AGMO: variants seen among roughly 807,000 people sequenced by gnomAD.
AGMO encodes the protein glyceryl-ether monooxygenase.
AGMO carries 75 observed loss-of-function variants against 60.2 expected under a neutral mutation model. The ratio of observed to expected loss-of-function variants is 1.25; its 90% CI spans 1.03 to 1.51. The LOEUF (loss-of-function observed/expected upper bound fraction) is 1.51. Ranked by LOEUF, AGMO falls within the 40% of genes most tolerant of loss-of-function variation. AGMO has a pLI of 0.00. For missense variants in AGMO, 763 were observed against 525.5 expected (o/e 1.45, Z -4.42); for synonymous variants, 261 against 177.1 (o/e 1.47, Z -3.76).
intron 12 of AGMO, among the ~76,000 whole-genome samples, chr7:15,287,373 C>A (rs1173529318): frequency 6.6e-6 from 1 of 152,080 alleles, no homozygotes; most frequent in Admixed American, 6.5e-5. Flanking sequence ...ATTTTCTTTG[C>A]CACCGATATG....
intron 3 of AGMO, among the ~76,000 whole-genome samples, chr7:15,441,989 G>C (rs1218099281): frequency 6.6e-6 from 1 of 151,968 alleles, no homozygotes; most frequent in African/African-American, 2.4e-5. Context: ...CATTTGTCTT[G>C]GTGTCCTGAA....
At chr7:15,353,954 T>C (rs1343390372) in intron 12 of AGMO, among the ~76,000 whole-genome samples, 3 of 152,144 alleles carry the variant, frequency 2.0e-5, no homozygotes, top group African/African-American at 7.2e-5. Flanking sequence ...TAAAAACCCA[T>C]ACAAAGCCAA....
intron 12 of AGMO, among the ~76,000 whole-genome samples, chr7:15,328,281 G>A (rs780086593): frequency 6.6e-5 from 10 of 151,972 alleles, no homozygotes; most frequent in Non-Finnish European, 1.0e-4. Flanking sequence ...ATTTTTAGTA[G>A]AGATGGGTTT....
At chr7:15,232,801 G>GCGCACACACACACACA (rs1554398737) in intron 12 of AGMO, among the ~76,000 whole-genome samples, 4 of 147,024 alleles carry the variant, frequency 2.7e-5, no homozygotes, top group East Asian at 4.1e-4. Context: ...ACACACACAC[G>GCGCACACACACACACA]CACACACACA....
intron 12 of AGMO, among the ~76,000 whole-genome samples, chr7:15,227,941 G>C (rs1042463972): frequency 6.6e-6 from 1 of 152,040 alleles, no homozygotes; most frequent in Non-Finnish European, 1.5e-5. Flanking sequence ...TTGGCTTCTC[G>C]TGTGTTGGGC....
chr7:15,552,416 A>G (rs1224071387), intron 2 of AGMO, among the ~76,000 whole-genome samples: 3 of 152,084 alleles, frequency 2.0e-5, no homozygotes, highest in Non-Finnish European at 1.5e-5. Context: ...TTCGCAACCT[A>G]CTCATCTGAC....
intron 12 of AGMO, among the ~76,000 whole-genome samples, chr7:15,231,271 TC>T: frequency 6.6e-6 from 1 of 152,310 alleles, no homozygotes; most frequent in South Asian, 2.1e-4. Flanking sequence ...TTGCTCCACT[TC>T]CAATGTCTTT....
chr7:15,473,787 T>A lies in AGMO; in HGVS notation c.410-42679A>T, dbSNP rs189757911. Among the ~76,000 whole-genome samples the A allele has an allele frequency of 2.3e-4, 35 of 152,246 alleles. No individual in the cohort carries two copies. The East Asian group carries it at 5.2e-3, about 23-fold the overall frequency. On this transcript the variant is annotated intron_variant, in intron 3 of 12. Transcript: ENST00000342526. ...TCAAATTGTCTGTTTGCAGATGACATGATTGTAAATTTAGAAAACCCTATC... is the reference window on the plus strand; with the variant it reads ...TCAAATTGTCTGTTTGCAGATGACAAGATTGTAAATTTAGAAAACCCTATC...
intron 3 of AGMO, among the ~76,000 whole-genome samples, chr7:15,512,682 G>A (rs1451766508): frequency 6.6e-6 from 1 of 151,938 alleles, no homozygotes; most frequent in Non-Finnish European, 1.5e-5. Context: ...TTTACTATAT[G>A]GATTGGTATT....
intron 12 of AGMO, among the ~76,000 whole-genome samples, chr7:15,305,128 T>TA (rs969507828): frequency 2.6e-5 from 4 of 151,896 alleles, no homozygotes; most frequent in African/African-American, 9.7e-5. Flanking sequence ...CTTAGGTACT[T>TA]ATTCATCATC....
chr7:15,320,686 A>G (rs1268743596), intron 12 of AGMO, among the ~76,000 whole-genome samples: 2 of 152,140 alleles, frequency 1.3e-5, no homozygotes, highest in African/African-American at 4.8e-5. Context: ...ATATAAGCTA[A>G]CAACCATCAT....
At chr7:15,252,653 G>C (rs565312965) in intron 12 of AGMO, among the ~76,000 whole-genome samples, 4 of 152,156 alleles carry the variant, frequency 2.6e-5, no homozygotes, top group African/African-American at 9.7e-5. Context: ...CTGGATGCTC[G>C]ATTGTAGGCT....
intron 12 of AGMO, among the ~76,000 whole-genome samples, chr7:15,211,725 C>T (rs190848521): frequency 8.0e-4 from 121 of 152,052 alleles, no homozygotes; most frequent in Non-Finnish European, 1.4e-3. Context: ...TCATTAAATT[C>T]CCCACTCATA....
In AGMO at chr7:15,394,116, G is replaced by A; in HGVS notation, c.673C>T (p.His225Tyr). Reference sequence around the variant, plus strand: ...AGAAGAAACAAAACTTCCTTACCATGATGAACCCTATGATGGCTAGGAGTA... The same window carrying A: ...AGAAGAAACAAAACTTCCTTACCATAATGAACCCTATGATGGCTAGGAGTA... ...LNTPSHHRVH[H>Y]GRNRYCIDKN... The change falls in exon 6 of 13, where the codon CAT becomes TAT. Residue 225 changes from histidine (H) to tyrosine (Y), a missense_variant. By Grantham distance (83) the His-to-Tyr change is moderately conservative. Coordinates refer to ENST00000342526, the MANE Select transcript of AGMO (RefSeq NM_001004320.2). 1 of 1,609,226 alleles carries A rather than the reference G, an allele frequency of 6.2e-7. No individual in the cohort carries two copies. The highest frequency in any genetic ancestry group is 1.1e-5 in the South Asian group (1 of 90,718).
chr7:15,213,976 C>G (rs190596399), intron 12 of AGMO, among the ~76,000 whole-genome samples: 1 of 151,920 alleles, frequency 6.6e-6, no homozygotes, highest in Non-Finnish European at 1.5e-5. Flanking sequence ...TATAGTTCAA[C>G]AAACACAGAT....
At chr7:15,158,767 A>T in the AGMO span, among the ~76,000 whole-genome samples, 1 of 152,156 alleles carries the variant, frequency 6.6e-6, no homozygotes, top group Admixed American at 6.5e-5. Context: ...ATTAAATTTT[A>T]ATCTCCTTTC....
At chr7:15,481,353 A>T (rs976657093) in intron 3 of AGMO, among the ~76,000 whole-genome samples, 2 of 152,144 alleles carry the variant, frequency 1.3e-5, no homozygotes, top group African/African-American at 4.8e-5. Context: ...GGGAGTTACC[A>T]GGCAGTCCGT....
chr7:15,146,985 C>T, the AGMO span, among the ~76,000 whole-genome samples: 15 of 152,148 alleles, frequency 9.9e-5, no homozygotes, highest in Admixed American at 2.6e-4. Flanking sequence ...ATACATTTCA[C>T]GAAATGTTAA....
At position 15,302,619 on chromosome 7, in the gene AGMO, C is replaced by T. The variant is rs79776728; in HGVS notation, c.1263+62895G>A. Among the ~76,000 whole-genome samples the T allele has an allele frequency of 7.4e-3, 1,126 of 152,168 alleles. 17 individuals are homozygous for T. Among genetic ancestry groups the T allele is most frequent in the African/African-American group, 0.026 (1,073 of 41,532 alleles). ...AAGGAGACTGGCATAGAGCTTTTAG[C>T]GCAGTACTTGTTACAAAGCAGGTAT... On this transcript the variant is annotated intron_variant, in intron 12 of 12. Coordinates refer to ENST00000342526, the MANE Select transcript of AGMO (RefSeq NM_001004320.2).
Sources: gnomAD v4.1 joint callset for allele counts (sites outside exome capture counted in the v4.1 genomes callset) on GRCh38, gnomAD v4.1.1 for gene constraint, MANE v1.5 for transcripts, NCBI Gene and HGNC (gene_info 2026-07-23, HGNC 2026-07-21) for gene names.